P3H2: variants seen among roughly 807,000 people sequenced by gnomAD.
P3H2 encodes the protein prolyl 3-hydroxylase 2.
In P3H2, 80 loss-of-function variants were observed where a neutral mutation model predicts 87.0. That is an observed-to-expected ratio of 0.92 (90% CI 0.77 to 1.11). P3H2 has a LOEUF of 1.11. Ranked by LOEUF, P3H2 falls within the 50% of genes least tolerant of loss-of-function variation. The pLI is 0.00. For missense variants in P3H2, 1,001 were observed against 923.9 expected (o/e 1.08, Z -1.08); for synonymous variants, 367 against 359.3 (o/e 1.02, Z -0.24).
intron 1 of P3H2, among the ~76,000 whole-genome samples, chr3:190,080,837 A>C (rs944407500): frequency 6.6e-6 from 1 of 152,226 alleles, no homozygotes; most frequent in Non-Finnish European, 1.5e-5. Context: ...AATGAAATAA[A>C]AATAATGACT....
chr3:190,096,335 T>C (rs906282032), intron 1 of P3H2, among the ~76,000 whole-genome samples: 6 of 152,212 alleles, frequency 3.9e-5, no homozygotes, highest in African/African-American at 1.4e-4. Flanking sequence ...GTTCTCATGA[T>C]AGTGAGTGAA....
chr3:190,058,448 C>T (rs1726230571), intron 1 of P3H2, among the ~76,000 whole-genome samples: 1 of 152,074 alleles, frequency 6.6e-6, no homozygotes, highest in South Asian at 2.1e-4. Context: ...ATGGGTTAAA[C>T]TTGTGAAGTT....
chr3:189,986,951 G>T, intron 5 of P3H2, 74 bp from the exon 6 acceptor site: 1 of 1,006,872 alleles, frequency 9.9e-7, no homozygotes, highest in Non-Finnish European at 1.6e-6. Context: ...TGTTCAGGTG[G>T]CAATATTTTC....
At chr3:190,089,544 C>A (rs7646317) in intron 1 of P3H2, among the ~76,000 whole-genome samples, 41,868 of 152,096 alleles carry the variant, frequency 0.28, 6,094 homozygotes, top group Non-Finnish European at 0.33. Context: ...GCCCTCCCAA[C>A]AGGAGGACTG....
chr3:189,997,126 A>G (rs1724076581), intron 1 of P3H2, among the ~76,000 whole-genome samples: 1 of 152,154 alleles, frequency 6.6e-6, no homozygotes, highest in East Asian at 1.9e-4. Context: ...GGTTCAAGCG[A>G]TTCTCCTGCC....
intron 14 of P3H2, among the ~76,000 whole-genome samples, chr3:189,963,221 TCTC>T (rs1403932720): frequency 5.9e-5 from 9 of 152,198 alleles, no homozygotes; most frequent in African/African-American, 2.2e-4. Flanking sequence ...GAGATCATGG[TCTC>T]CTCCTAGCTA....
chr3:190,019,043 A>T (rs754099386), intron 1 of P3H2, among the ~76,000 whole-genome samples: 4 of 152,206 alleles, frequency 2.6e-5, no homozygotes, highest in Non-Finnish European at 4.4e-5. Context: ...CAAAACACAT[A>T]TGAATATGTT....
chr3:190,055,590 A>T (rs1311030372), intron 1 of P3H2, among the ~76,000 whole-genome samples: 5 of 151,532 alleles, frequency 3.3e-5, no homozygotes, highest in African/African-American at 7.3e-5. Context: ...TAGAAATGTA[A>T]TTACATTTCA....
At chr3:190,027,164 A>G (rs1186102122) in intron 1 of P3H2, among the ~76,000 whole-genome samples, 2 of 152,242 alleles carry the variant, frequency 1.3e-5, no homozygotes, top group Admixed American at 6.5e-5. Flanking sequence ...GAAATAACAG[A>G]TAATGTAATG....
rs1047479078 is a variant in P3H2 at position 189,995,410 on chromosome 3, A to G, written c.513T>C (p.Ala171=). 6.2e-7 allele frequency: 1 copy of G among 1,613,942 alleles called. No homozygotes were observed. Among genetic ancestry groups the G allele is most frequent in the Non-Finnish European group, 8.5e-7 (1 of 1,180,016 alleles). Residue 171 remains alanine, a synonymous_variant, in exon 2 of 15, where the codon GCT becomes GCC. Coordinates refer to ENST00000319332, the MANE Select transcript of P3H2 (RefSeq NM_018192.4). ...CAGGGTTAGCCACGAAAAATGTGTG[A>G]GCTGCTTCCACTGCTTTTTCGAGCT... is the stretch of plus-strand genomic sequence containing the variant. ...LNQLEKAVEA[A]HTFFVANPEH...
At chr3:189,989,581 T>C (rs537869952) in intron 3 of P3H2, among the ~76,000 whole-genome samples, 1 of 152,282 alleles carries the variant, frequency 6.6e-6, no homozygotes, top group Non-Finnish European at 1.5e-5. Flanking sequence ...AAAAGAGAAA[T>C]AAAAACTCTT....
intron 1 of P3H2, among the ~76,000 whole-genome samples, chr3:190,107,053 G>C (rs530184581): frequency 1.3e-5 from 2 of 152,140 alleles, no homozygotes; most frequent in Non-Finnish European, 2.9e-5. Context: ...TAAAGGAAAT[G>C]TCATTTTGCT....
intron 1 of P3H2, 123 bp from the exon 2 acceptor site, chr3:189,995,565 T>TC: frequency 9.4e-7 from 1 of 1,068,008 alleles, no homozygotes; most frequent in Non-Finnish European, 1.3e-6. Flanking sequence ...GGTTTTTTTT[T>TC]TTTTTATCAG....
chr3:189,998,250 C>A (rs193109459), intron 1 of P3H2, among the ~76,000 whole-genome samples: 3 of 152,172 alleles, frequency 2.0e-5, no homozygotes, highest in African/African-American at 4.8e-5. Flanking sequence ...AGTCTACAAG[C>A]TATGAGTACA....
chr3:190,052,841 C>A (rs566982579), intron 1 of P3H2, among the ~76,000 whole-genome samples: 1 of 152,134 alleles, frequency 6.6e-6, no homozygotes, highest in Non-Finnish European at 1.5e-5. Context: ...ATCCACACAG[C>A]GATCAAGACA....
intron 1 of P3H2, among the ~76,000 whole-genome samples, chr3:190,024,717 A>G (rs1166672565): frequency 6.6e-6 from 1 of 152,174 alleles, no homozygotes; most frequent in Non-Finnish European, 1.5e-5. Context: ...GTGAATTTGT[A>G]AGGCTAGCAG....
chr3:189,962,811 A>T (rs1220630223), intron 14 of P3H2, among the ~76,000 whole-genome samples: 1 of 152,196 alleles, frequency 6.6e-6, no homozygotes, highest in African/African-American at 2.4e-5. Flanking sequence ...TATGAGAAAA[A>T]CGCATTATTT....
chr3:190,106,603 T>C (rs1357993189), intron 1 of P3H2, among the ~76,000 whole-genome samples: 2 of 152,190 alleles, frequency 1.3e-5, no homozygotes, highest in Non-Finnish European at 2.9e-5. Context: ...TATTGTCATT[T>C]TCCCGATACA....
intron 4 of P3H2, among the ~76,000 whole-genome samples, chr3:189,988,566 C>CG (rs1723778331): frequency 6.6e-6 from 1 of 152,062 alleles, no homozygotes; most frequent in Non-Finnish European, 1.5e-5. Flanking sequence ...GTGCCATCAA[C>CG]GCCAGGATAA....
Sources: gnomAD v4.1 joint callset for allele counts (sites outside exome capture counted in the v4.1 genomes callset) on GRCh38, gnomAD v4.1.1 for gene constraint, MANE v1.5 for transcripts, NCBI Gene and HGNC (gene_info 2026-07-23, HGNC 2026-07-21) for gene names.